Variants in PARD3 observed in about 807,000 individuals in gnomAD.
PARD3 encodes the protein partitioning defective 3 homolog.
PARD3 carries 75 observed loss-of-function variants against 155.4 expected under a neutral mutation model. That is an observed-to-expected ratio of 0.48 (90% CI 0.40 to 0.58). PARD3 has a LOEUF of 0.58. Among genes scored for constraint, PARD3 ranks in the 20% least tolerant of loss-of-function variants. PARD3 has a pLI of 0.00. For synonymous variants in PARD3, 576 were observed against 610.5 expected (o/e 0.94, Z 0.83); for missense variants, 1,642 against 1,721.7 (o/e 0.95, Z 0.82).
rs1390155166 is a variant in PARD3, at chr10:34,596,123, A to AGAGC, written c.223-78965_223-78964insGCTC. Among the ~76,000 whole-genome samples, 4 of 152,318 alleles carry AGAGC rather than the reference A, an allele frequency of 2.6e-5. No homozygotes were observed. The East Asian group carries it at 7.7e-4, about 29-fold the overall frequency. ...TTATTGCTTTTGTGCCCAAGCTCTA[A>AGAGC]TTCAAGTTAAATGTGAGAGTCACTA... is the stretch of plus-strand genomic sequence containing the variant. On this transcript the variant is annotated intron_variant, in intron 2 of 24. Transcript: ENST00000374788.
chr10:34,205,490 T>C (rs968417082), intron 22 of PARD3, among the ~76,000 whole-genome samples: 8 of 152,322 alleles, frequency 5.3e-5, no homozygotes, highest in Admixed American at 3.3e-4. Flanking sequence ...CTGTTCACTT[T>C]ATCAGTTTTC....
At chr10:34,784,914 C>A (rs1840751921) in intron 1 of PARD3, among the ~76,000 whole-genome samples, 1 of 151,456 alleles carries the variant, frequency 6.6e-6, no homozygotes, top group African/African-American at 2.5e-5. Flanking sequence ...AGCATTCATT[C>A]CCATTTTCAC....
At chr10:34,562,961 G>T (rs2134078249) in intron 2 of PARD3, among the ~76,000 whole-genome samples, 1 of 152,056 alleles carries the variant, frequency 6.6e-6, no homozygotes, top group East Asian at 1.9e-4. Flanking sequence ...GTAGTGACAG[G>T]TGTCTACCTT....
intron 2 of PARD3, among the ~76,000 whole-genome samples, chr10:34,631,272 A>AT (rs1281169810): frequency 6.6e-6 from 1 of 152,162 alleles, no homozygotes; most frequent in Non-Finnish European, 1.5e-5. Flanking sequence ...TCCCCTCGAA[A>AT]TGTGGTACAA....
chr10:34,642,327 T>A (rs937297817), intron 2 of PARD3, among the ~76,000 whole-genome samples: 4 of 152,062 alleles, frequency 2.6e-5, no homozygotes, highest in African/African-American at 9.7e-5. Flanking sequence ...AAAACATTCT[T>A]TTGCTTTCTA....
At chr10:34,378,206 A>G (rs541891917) in intron 9 of PARD3, 100 bp from the exon 10 acceptor site, 1 of 849,718 alleles carries the variant, frequency 1.2e-6, no homozygotes, top group East Asian at 2.9e-5. Flanking sequence ...ACATTTTGTA[A>G]CTTTCACAAT....
chr10:34,654,908 C>T (rs1182083148), intron 2 of PARD3, among the ~76,000 whole-genome samples: 1 of 152,174 alleles, frequency 6.6e-6, no homozygotes, highest in African/African-American at 2.4e-5. Context: ...CATCTACACT[C>T]CCGTTGCCTT....
At chr10:34,295,183 C>T (rs985298281) in intron 20 of PARD3, among the ~76,000 whole-genome samples, 3 of 152,134 alleles carry the variant, frequency 2.0e-5, no homozygotes, top group Non-Finnish European at 4.4e-5. Context: ...ATATTATTTA[C>T]GACTCAACTG....
chr10:34,703,937 A>T (rs771026760), intron 1 of PARD3, among the ~76,000 whole-genome samples: 33 of 152,242 alleles, frequency 2.2e-4, no homozygotes, highest in Non-Finnish European at 4.1e-4. Flanking sequence ...CGTTTCCAAA[A>T]ACATTACCCC....
At chr10:34,395,927 CA>C (rs1843298455) in intron 7 of PARD3, among the ~76,000 whole-genome samples, 1 of 151,630 alleles carries the variant, frequency 6.6e-6, no homozygotes, top group Non-Finnish European at 1.5e-5. Context: ...TCTATTTCTA[CA>C]TATCAGCAGG....
chr10:34,362,775 C>T (rs949970374), intron 12 of PARD3, among the ~76,000 whole-genome samples: 1 of 152,174 alleles, frequency 6.6e-6, no homozygotes, highest in Non-Finnish European at 1.5e-5. Context: ...GCTTACGTGC[C>T]CAGCCCCTTG....
At chr10:34,377,246 T>C (rs1272081634) in intron 10 of PARD3, among the ~76,000 whole-genome samples, 1 of 152,182 alleles carries the variant, frequency 6.6e-6, no homozygotes, top group Non-Finnish European at 1.5e-5. Context: ...AAACGTAACC[T>C]TACAGACATT....
At chr10:34,232,706 CT>C (rs1952996259) in intron 22 of PARD3, among the ~76,000 whole-genome samples, 1 of 151,982 alleles carries the variant, frequency 6.6e-6, no homozygotes, top group Non-Finnish European at 1.5e-5. Flanking sequence ...AAATGTTTTC[CT>C]TTTTTCTTTT....
chr10:34,657,243 AGTC>A (rs2093196735), intron 2 of PARD3, among the ~76,000 whole-genome samples: 1 of 152,152 alleles, frequency 6.6e-6, no homozygotes, highest in Non-Finnish European at 1.5e-5. Flanking sequence ...AAAAAAAAAA[AGTC>A]AGAAAAGCCA....
chr10:34,314,009 C>T (rs191560470), intron 20 of PARD3, among the ~76,000 whole-genome samples: 51 of 152,252 alleles, frequency 3.3e-4, no homozygotes, highest in African/African-American at 1.2e-3. Flanking sequence ...CAGGCCTGCA[C>T]GGTCCTCCAT....
intron 2 of PARD3, among the ~76,000 whole-genome samples, chr10:34,590,644 C>G (rs922461272): frequency 6.6e-6 from 1 of 152,180 alleles, no homozygotes; most frequent in Non-Finnish European, 1.5e-5. Context: ...CCACTCTCTT[C>G]TCGCTGTCAG....
intron 5 of PARD3, among the ~76,000 whole-genome samples, chr10:34,429,366 T>G (rs1203450776): frequency 1.3e-5 from 2 of 151,984 alleles, no homozygotes; most frequent in Admixed American, 1.3e-4. Context: ...TGAGAAGCAT[T>G]AGAACCACAA....
intron 4 of PARD3, among the ~76,000 whole-genome samples, chr10:34,458,539 C>G (rs1395909140): frequency 6.6e-6 from 1 of 152,074 alleles, no homozygotes; most frequent in African/African-American, 2.4e-5. Flanking sequence ...TGATTAATTC[C>G]AGGAGCTTGA....
At chr10:34,714,417 C>T (rs1396405354) in intron 1 of PARD3, among the ~76,000 whole-genome samples, 2 of 152,330 alleles carry the variant, frequency 1.3e-5, no homozygotes, top group East Asian at 3.9e-4. Context: ...AAACAGTTAT[C>T]CAACTGCACC....
Sources: allele counts gnomAD v4.1 joint callset (sites outside exome capture counted in the v4.1 genomes callset), GRCh38; gene constraint gnomAD v4.1.1; transcripts MANE v1.5; gene names NCBI Gene and HGNC (gene_info 2026-07-23, HGNC 2026-07-21).